C12orf42: variants seen among roughly 807,000 people sequenced by gnomAD.
The protein encoded by C12orf42 is uncharacterized protein C12orf42.
Under a neutral mutation model 21.6 loss-of-function variants are expected in C12orf42, and 25 were observed. That is an observed-to-expected ratio of 1.16 (90% CI 0.84 to 1.62). The LOEUF is 1.62. Ranked by LOEUF, C12orf42 falls within the 40% of genes most tolerant of loss-of-function variation. C12orf42 has a pLI of 0.00. For missense variants in C12orf42, 483 were observed against 459.3 expected, an observed-to-expected ratio of 1.05 and a Z score of -0.47; for synonymous variants, 174 against 175.0, an observed-to-expected ratio of 0.99 and a Z score of 0.05.
the C12orf42 span, among the ~76,000 whole-genome samples, chr12:103,047,942 T>C: frequency 1.3e-5 from 2 of 152,336 alleles, no homozygotes; most frequent in South Asian, 4.1e-4. Flanking sequence ...TGCCATATTG[T>C]CATGGCCAGA....
At chr12:103,318,742 G>A (rs2039787239) in intron 4 of C12orf42, among the ~76,000 whole-genome samples, 1 of 152,106 alleles carries the variant, frequency 6.6e-6, no homozygotes, top group African/African-American at 2.4e-5. Flanking sequence ...TAGCCCTGGA[G>A]GACACAGTGG....
chr12:103,174,582 A>G, the C12orf42 span, among the ~76,000 whole-genome samples: 4 of 148,888 alleles, frequency 2.7e-5, no homozygotes, highest in East Asian at 8.0e-4. Flanking sequence ...TCTGTTTTTT[A>G]GCCTGACTTC....
At chr12:103,076,467 G>C in the C12orf42 span, among the ~76,000 whole-genome samples, 1,623 of 152,144 alleles carry the variant, frequency 0.011, 12 homozygotes, top group South Asian at 0.019. Context: ...CATGAGGCCT[G>C]TTAATGTCAT....
intron 2 of C12orf42, among the ~76,000 whole-genome samples, chr12:103,466,438 C>A (rs1319558646): frequency 6.6e-6 from 1 of 152,112 alleles, no homozygotes; most frequent in Non-Finnish European, 1.5e-5. Flanking sequence ...AGATTCACAC[C>A]CTGGGTAACA....
intron 4 of C12orf42, among the ~76,000 whole-genome samples, chr12:103,316,099 C>T (rs1322403485): frequency 6.7e-6 from 1 of 148,770 alleles, no homozygotes; most frequent in Non-Finnish European, 1.5e-5. Context: ...TATATATATA[C>T]ACACACAGTA....
intron 10 of C12orf42, among the ~76,000 whole-genome samples, chr12:103,240,178 A>G (rs768756784): frequency 6.6e-6 from 1 of 152,186 alleles, no homozygotes; most frequent in African/African-American, 2.4e-5. Context: ...ATAAATCTTC[A>G]CCATGTATTT....
At chr12:103,078,040 A>T in the C12orf42 span, among the ~76,000 whole-genome samples, 11 of 152,228 alleles carry the variant, frequency 7.2e-5, no homozygotes, top group Non-Finnish European at 1.5e-4. Context: ...AAGGCCAAAA[A>T]AAATCTGCTT....
chr12:103,178,373 C>T, the C12orf42 span: 1 of 152,180 alleles, frequency 6.6e-6, no homozygotes, highest in African/African-American at 2.4e-5. Flanking sequence ...AAATAAGCTG[C>T]CTCGTTAGTG....
chr12:103,236,529 C>G (rs569062425), downstream of C12orf42, among the ~76,000 whole-genome samples: 1 of 152,206 alleles, frequency 6.6e-6, no homozygotes, highest in African/African-American at 2.4e-5. Flanking sequence ...AACTGCAAAC[C>G]TGATTATTCT....
chr12:103,553,277 C>T, the C12orf42 span, among the ~76,000 whole-genome samples: 114 of 152,258 alleles, frequency 7.5e-4, 1 homozygote, highest in Admixed American at 1.3e-3. Context: ...TGGTCGAATC[C>T]TACCTTTTCT....
At chr12:103,156,400 A>G in the C12orf42 span, among the ~76,000 whole-genome samples, 1 of 152,128 alleles carries the variant, frequency 6.6e-6, no homozygotes, top group African/African-American at 2.4e-5. Context: ...CTTTGTTCTC[A>G]ATGTGGGTGC....
intron 1 of C12orf42, among the ~76,000 whole-genome samples, chr12:103,483,661 T>C (rs1209717941): frequency 1.3e-5 from 2 of 152,288 alleles, no homozygotes; most frequent in Non-Finnish European, 2.9e-5. Context: ...TTTTTCTTTT[T>C]TTTCTTTCTT....
the C12orf42 span, among the ~76,000 whole-genome samples, chr12:103,141,790 A>T: frequency 1.3e-5 from 2 of 152,176 alleles, no homozygotes; most frequent in Non-Finnish European, 1.5e-5. Context: ...TCAGCCTCCC[A>T]AATTGCTGGG....
At chr12:103,464,412 T>C (rs1565871317) in intron 2 of C12orf42, among the ~76,000 whole-genome samples, 1 of 51,460 alleles carries the variant, frequency 1.9e-5, no homozygotes, top group Non-Finnish European at 4.2e-5. Context: ...CACTTTTTAA[T>C]GGGGTTTTTT....
the C12orf42 span, among the ~76,000 whole-genome samples, chr12:103,546,630 T>C: frequency 6.6e-6 from 1 of 152,088 alleles, no homozygotes; most frequent in African/African-American, 2.4e-5. Context: ...AGAAAAAAAA[T>C]GAAAGACGTT....
At chr12:103,159,163 G>C in the C12orf42 span, among the ~76,000 whole-genome samples, 1 of 152,254 alleles carries the variant, frequency 6.6e-6, no homozygotes, top group East Asian at 1.9e-4. Context: ...TTCTTCCATT[G>C]ATTTTTTTAA....
At chr12:103,519,697 A>ATT in the C12orf42 span, among the ~76,000 whole-genome samples, 21 of 152,022 alleles carry the variant, frequency 1.4e-4, no homozygotes, top group Non-Finnish European at 2.9e-4. Context: ...TATCCATGTC[A>ATT]TTTTCATGGT....
At chr12:103,087,051 A>G in the C12orf42 span, among the ~76,000 whole-genome samples, 3 of 152,190 alleles carry the variant, frequency 2.0e-5, no homozygotes, top group African/African-American at 7.2e-5. Context: ...ATCAAAACCT[A>G]TATTTCTGCT....
At chr12:103,112,584 C>A in the C12orf42 span, among the ~76,000 whole-genome samples, 1 of 152,106 alleles carries the variant, frequency 6.6e-6, no homozygotes, top group Non-Finnish European at 1.5e-5. Flanking sequence ...TCGCTTGAAC[C>A]CAGGAGGCAG....
Sources: gnomAD v4.1 joint callset for allele counts (sites outside exome capture counted in the v4.1 genomes callset) on GRCh38, gnomAD v4.1.1 for gene constraint, MANE v1.5 for transcripts, NCBI Gene and HGNC (gene_info 2026-07-23, HGNC 2026-07-21) for gene names.